NAALADL2: variants seen among roughly 807,000 people sequenced by gnomAD.
NAALADL2 encodes inactive N-acetylated-alpha-linked acidic dipeptidase-like protein 2.
In NAALADL2, 76 loss-of-function variants were observed where a neutral mutation model predicts 87.2. The ratio of observed to expected loss-of-function variants is 0.87; its 90% CI spans 0.72 to 1.05. The LOEUF is 1.05. Among genes scored for constraint, NAALADL2 ranks in the 50% least tolerant of loss-of-function variants. The pLI is 0.00. For synonymous variants in NAALADL2, 354 were observed against 331.0 expected (o/e 1.07, Z -0.75); for missense variants, 1,089 against 945.8 (o/e 1.15, Z -1.99).
chr3:175,271,095 G>A (rs1265290341), intron 4 of NAALADL2: 1 of 152,106 alleles, frequency 6.6e-6, no homozygotes, highest in Non-Finnish European at 1.5e-5. Context: ...ATTTCACCAA[G>A]TTTCACAGTA....
At chr3:174,716,945 A>G (rs537261964) in intron 2 of NAALADL2, among the ~76,000 whole-genome samples, 1 of 152,312 alleles carries the variant, frequency 6.6e-6, no homozygotes, top group African/African-American at 2.4e-5. Flanking sequence ...ACATATTAAT[A>G]TTCTCTAAGA....
chr3:174,957,643 T>G (rs1741349642), intron 1 of NAALADL2, among the ~76,000 whole-genome samples: 1 of 151,778 alleles, frequency 6.6e-6, no homozygotes, highest in South Asian at 2.1e-4. Flanking sequence ...CCAAGAAACA[T>G]TCCATTGACC....
chr3:175,505,066 A>G (rs1254045939), intron 9 of NAALADL2, among the ~76,000 whole-genome samples: 1 of 152,142 alleles, frequency 6.6e-6, no homozygotes, highest in Non-Finnish European at 1.5e-5. Flanking sequence ...CTGTCTCTCA[A>G]ACTCTGGAGA....
At chr3:175,114,172 G>C (rs1724705243) in intron 2 of NAALADL2, among the ~76,000 whole-genome samples, 1 of 151,630 alleles carries the variant, frequency 6.6e-6, no homozygotes, top group African/African-American at 2.4e-5. Context: ...TACCACCATA[G>C]AGGAAGCTGA....
intron 2 of NAALADL2, among the ~76,000 whole-genome samples, chr3:175,130,590 T>C (rs187625040): frequency 3.7e-4 from 57 of 152,340 alleles, no homozygotes; most frequent in Non-Finnish European, 5.9e-4. Flanking sequence ...ATACCATATA[T>C]TGAAGAAACT....
intron 11 of NAALADL2, among the ~76,000 whole-genome samples, chr3:175,690,740 AAGG>A (rs1055829020): frequency 6.6e-6 from 1 of 151,982 alleles, no homozygotes; most frequent in Non-Finnish European, 1.5e-5. Context: ...CTGGCAATTG[AAGG>A]ATGATACATG....
chr3:175,545,695 G>A (rs1214807364), intron 9 of NAALADL2, among the ~76,000 whole-genome samples: 1 of 152,032 alleles, frequency 6.6e-6, no homozygotes, highest in Non-Finnish European at 1.5e-5. Context: ...TTATATTCCA[G>A]GGCTTGTTAG....
At chr3:175,087,374 G>C (rs58820701) in intron 1 of NAALADL2, among the ~76,000 whole-genome samples, 35,749 of 151,778 alleles carry the variant, frequency 0.24, 4,173 homozygotes, top group East Asian at 0.32. Flanking sequence ...AGTGAGGAGC[G>C]CCTCTGCCCG....
intron 2 of NAALADL2, among the ~76,000 whole-genome samples, chr3:174,716,511 A>G (rs559295646): frequency 7.2e-5 from 11 of 152,248 alleles, no homozygotes; most frequent in Admixed American, 2.0e-4. Context: ...TTCTAGGTTT[A>G]TATAATATAA....
At chr3:174,445,647 G>A (rs1479344489) in intron 1 of NAALADL2, among the ~76,000 whole-genome samples, 1 of 152,108 alleles carries the variant, frequency 6.6e-6, no homozygotes, top group Non-Finnish European at 1.5e-5. Flanking sequence ...ACTATTAGAT[G>A]TCGGCATGCA....
At chr3:174,775,636 A>G (rs969543847) in intron 3 of NAALADL2, among the ~76,000 whole-genome samples, 1 of 152,292 alleles carries the variant, frequency 6.6e-6, no homozygotes, top group East Asian at 1.9e-4. Flanking sequence ...GCAGGATTGA[A>G]TAAGTCCCTC....
intron 2 of NAALADL2, among the ~76,000 whole-genome samples, chr3:174,599,227 C>T (rs1291912145): frequency 6.6e-6 from 1 of 152,140 alleles, no homozygotes. Context: ...TTTCACTCAT[C>T]AACAGGTAGT....
At chr3:175,047,376 T>G (rs1473259392) in intron 1 of NAALADL2, among the ~76,000 whole-genome samples, 1 of 152,186 alleles carries the variant, frequency 6.6e-6, no homozygotes, top group Admixed American at 6.6e-5. Context: ...ATCATGGACT[T>G]TGATATGTAA....
chr3:175,529,545 C>T (rs971282265), intron 9 of NAALADL2, among the ~76,000 whole-genome samples: 2 of 152,116 alleles, frequency 1.3e-5, no homozygotes, highest in African/African-American at 4.8e-5. Context: ...CATACATGGC[C>T]TTCTGGAGAA....
chr3:175,684,465 C>G (rs1197160182), intron 11 of NAALADL2, among the ~76,000 whole-genome samples: 1 of 152,042 alleles, frequency 6.6e-6, no homozygotes, highest in East Asian at 1.9e-4. Context: ...AAATCCCAAA[C>G]AGCTATATAA....
At position 175,515,560 on chromosome 3, in the gene NAALADL2, G is replaced by GA. The variant is rs143935735; in HGVS notation, c.1653+43815dup. ...AAAGAGAATTCTAGCTAATTTTTGG[G>GA]AAAAAAAAAAAAAGCATACTGGATA... On this transcript the variant is annotated intron_variant, in intron 9 of 13. Transcript: ENST00000454872. Among the ~76,000 whole-genome samples, 994 of 139,672 alleles carry GA rather than the reference G, an allele frequency of 7.1e-3. 10 individuals are homozygous for GA. Among genetic ancestry groups the GA allele is most frequent in the African/African-American group, 0.022 (821 of 38,144 alleles). The allele number at this position is 139,672 out of a possible 152,430, so 91.6% of individuals were successfully genotyped here. A position where few individuals can be genotyped will look rare whatever the true frequency, so the allele number is the denominator to read the frequency against.
At chr3:175,176,183 G>A (rs73043223) in intron 2 of NAALADL2, among the ~76,000 whole-genome samples, 1 of 151,756 alleles carries the variant, frequency 6.6e-6, no homozygotes, top group African/African-American at 2.4e-5. Flanking sequence ...TCTATTTCCC[G>A]CTGCCTTGGA....
chr3:174,746,413 G>T (rs963866461), intron 3 of NAALADL2, among the ~76,000 whole-genome samples: 2 of 152,130 alleles, frequency 1.3e-5, no homozygotes, highest in Non-Finnish European at 2.9e-5. Context: ...ACAAACCACT[G>T]CTCAAGGAAT....
chr3:175,673,478 T>C (rs537774567), intron 11 of NAALADL2, among the ~76,000 whole-genome samples: 50 of 152,284 alleles, frequency 3.3e-4, no homozygotes, highest in South Asian at 1.9e-3. Context: ...CATAGAGTCT[T>C]TGGAGTAGAA....
Sources: allele counts gnomAD v4.1 joint callset (sites outside exome capture counted in the v4.1 genomes callset), GRCh38; gene constraint gnomAD v4.1.1; transcripts MANE v1.5; gene names NCBI Gene and HGNC (gene_info 2026-07-23, HGNC 2026-07-21).